The following PDS5A variants were observed in gnomAD, a reference collection of about 807,000 sequenced individuals.
PDS5A encodes sister chromatid cohesion protein PDS5 homolog A.
In PDS5A, 42 loss-of-function variants were observed where a neutral mutation model predicts 167.1. That is an observed-to-expected ratio of 0.25 (90% CI 0.20 to 0.33). The LOEUF (loss-of-function observed/expected upper bound fraction) is 0.33, where lower values mean the gene tolerates loss of function less well. Ranked by LOEUF, PDS5A falls within the 10% of genes least tolerant of loss-of-function variation. The pLI is 1.00. For synonymous variants in PDS5A, 553 were observed against 554.6 expected (o/e 1.00, Z 0.04); for missense variants, 1,033 against 1,605.9 (o/e 0.64, Z 6.10).
At chr4:39,970,790 CTTTT>C (rs35223238) in intron 2 of PDS5A, among the ~76,000 whole-genome samples, 2 of 88,494 alleles carry the variant, frequency 2.3e-5, no homozygotes, top group Non-Finnish European at 4.1e-5. Flanking sequence ...CCGCTTGTTC[CTTTT>C]TTTTTTTTTT....
intron 2 of PDS5A, among the ~76,000 whole-genome samples, chr4:39,930,215 CAAAAAAAAAAAAA>C (rs764983592): frequency 6.8e-4 from 24 of 35,088 alleles, no homozygotes; most frequent in South Asian, 1.4e-3. Context: ...GACTCCATCT[CAAAAAAAAAAAAA>C]AAAAAAAAAA....
At chr4:39,845,670 A>G (rs1717531084) in intron 29 of PDS5A, 148 bp downstream of exon 29, 1 of 903,296 alleles carries the variant, frequency 1.1e-6, no homozygotes, top group South Asian at 4.8e-5. Context: ...TTCTAAAAGC[A>G]TGGCTGCTTT....
intron 2 of PDS5A, among the ~76,000 whole-genome samples, chr4:39,937,017 T>C (rs943396363): frequency 1.3e-5 from 2 of 152,204 alleles, no homozygotes; most frequent in Non-Finnish European, 2.9e-5. Flanking sequence ...TCATTGAATC[T>C]GGACATGTAA....
intron 9 of PDS5A, among the ~76,000 whole-genome samples, chr4:39,911,879 G>A (rs911590883): frequency 3.1e-4 from 46 of 150,494 alleles, no homozygotes; most frequent in Non-Finnish European, 6.1e-4. Context: ...GATAAGGTAA[G>A]GAACCCTCAA....
At chr4:39,921,583 TAAAAAAAAAA>T (rs375091298) in intron 6 of PDS5A, among the ~76,000 whole-genome samples, 239 of 86,848 alleles carry the variant, frequency 2.8e-3, no homozygotes, top group African/African-American at 0.011. Context: ...AAAGAAAACT[TAAAAAAAAAA>T]AAAAAAAAAA....
At chr4:39,872,527 T>C (rs1323760721) in intron 21 of PDS5A, among the ~76,000 whole-genome samples, 1 of 152,034 alleles carries the variant, frequency 6.6e-6, no homozygotes, top group African/African-American at 2.4e-5. Flanking sequence ...TAGCCAGGCG[T>C]GGTGACAGGC....
intron 2 of PDS5A, among the ~76,000 whole-genome samples, chr4:39,965,174 C>A (rs747026885): frequency 6.6e-6 from 1 of 152,064 alleles, no homozygotes; most frequent in Non-Finnish European, 1.5e-5. Flanking sequence ...CATTTCTGGA[C>A]CAATTTCTGG....
chr4:39,866,750 T>C lies in PDS5A; in HGVS notation c.2642+111A>G, dbSNP rs1719491104. Reference sequence around the variant, plus strand: ...TAAATGAGTACATAAGATCTGACCCTGAAGATCATGGTGTAATTACACCAT... The same window carrying C: ...TAAATGAGTACATAAGATCTGACCCCGAAGATCATGGTGTAATTACACCAT... On this transcript the variant is annotated intron_variant, in intron 23 of 32. Transcript: ENST00000303538. 1.0e-5 allele frequency: 9 copies of C among 897,760 alleles called. No individual in the cohort carries two copies. The East Asian group carries it at 2.3e-4, about 23-fold the overall frequency. 55.6% of individuals were successfully genotyped at this position (897,760 alleles called of 1,614,324 possible). A position where few individuals can be genotyped will look rare whatever the true frequency, so the allele number is the denominator to read the frequency against.
At chr4:39,898,893 C>A in intron 14 of PDS5A, 68 bp from the exon 15 acceptor site, 2 of 926,496 alleles carry the variant, frequency 2.2e-6, no homozygotes, top group East Asian at 2.6e-5. Flanking sequence ...TAACAAAAAT[C>A]AATACTCATT....
intron 2 of PDS5A, among the ~76,000 whole-genome samples, chr4:39,975,102 G>A (rs1355428716): frequency 5.6e-5 from 6 of 106,264 alleles, no homozygotes; most frequent in African/African-American, 7.7e-5. Flanking sequence ...GCAAGACTCC[G>A]TCTCAAAAAA....
intron 2 of PDS5A, among the ~76,000 whole-genome samples, chr4:39,941,731 T>C (rs1260492573): frequency 6.6e-6 from 1 of 152,184 alleles, no homozygotes; most frequent in Non-Finnish European, 1.5e-5. Context: ...TATTATGCCT[T>C]TTCATTGCAC....
At chr4:39,909,894 A>C (rs1039091784) in intron 10 of PDS5A, among the ~76,000 whole-genome samples, 1 of 152,224 alleles carries the variant, frequency 6.6e-6, no homozygotes. Context: ...CTTAAGAAAT[A>C]CACTACTTCC....
At chr4:39,917,365 G>C (rs1724488938) in intron 7 of PDS5A, among the ~76,000 whole-genome samples, 177 bp from the exon 8 acceptor site, 1 of 152,052 alleles carries the variant, frequency 6.6e-6, no homozygotes, top group Non-Finnish European at 1.5e-5. Flanking sequence ...CTAAACAGCA[G>C]AAGAAATAAT....
Position 39,825,303 on chromosome 4 carries a change from C to A in PDS5A, c.*182G>T. 19 of 442,470 alleles carry A rather than the reference C, an allele frequency of 4.3e-5. No homozygotes were observed. Among genetic ancestry groups the A allele is most frequent in the South Asian group, 5.0e-5 (1 of 20,028 alleles). The allele number at this position is 442,470 out of a possible 1,614,324, so 27.4% of individuals were successfully genotyped here. ...TCTCAAGAGTTTCTGCTGTACATTT[C>A]CATCAGAGGACTTGTGGTCATGTGA... On this transcript the variant is annotated 3_prime_UTR_variant, in exon 33 of 33. Transcript: ENST00000303538.
At chr4:39,934,629 T>G (rs1443780443) in intron 2 of PDS5A, among the ~76,000 whole-genome samples, 1 of 150,760 alleles carries the variant, frequency 6.6e-6, no homozygotes, top group African/African-American at 2.4e-5. Flanking sequence ...TTTTTTTTTT[T>G]TTTAAGAAAT....
intron 8 of PDS5A, among the ~76,000 whole-genome samples, chr4:39,916,208 CAA>C (rs201877983): frequency 9.2e-6 from 1 of 108,506 alleles, no homozygotes; most frequent in Non-Finnish European, 2.2e-5. Context: ...ACAACAACAA[CAA>C]AAAAAGAGAC....
chr4:39,930,255 G>GTTTTTTT (rs1421768439), intron 2 of PDS5A, among the ~76,000 whole-genome samples: 5 of 80,540 alleles, frequency 6.2e-5, no homozygotes, highest in African/African-American at 8.5e-5. Context: ...AAGTTTTTTT[G>GTTTTTTT]TTTTTTGTTT....
chr4:39,917,191 G>T lies in PDS5A; in HGVS notation c.736-3C>A. 6.5e-7 allele frequency: 1 copy of T among 1,529,312 alleles called. No homozygotes were observed. The highest frequency in any genetic ancestry group is 2.5e-5 in the East Asian group (1 of 40,758). 94.7% of individuals were successfully genotyped at this position (1,529,312 alleles called of 1,614,324 possible). ...AGCACCAGGACTTGATTGAAAAACT[G>T]TAAGAGATATTAAAAACAAAAAGAA... On this transcript the variant is annotated splice_region_variant and splice_polypyrimidine_tract_variant and intron_variant, in intron 7 of 32. Coordinates refer to ENST00000303538, the MANE Select transcript of PDS5A (RefSeq NM_001100399.2).
At chr4:39,829,687 C>T (rs1232141519) in intron 32 of PDS5A, among the ~76,000 whole-genome samples, 2 of 150,290 alleles carry the variant, frequency 1.3e-5, no homozygotes, top group Non-Finnish European at 2.9e-5. Flanking sequence ...CGCGGTGGCT[C>T]ACGCCTGTAA....
Sources: allele counts gnomAD v4.1 joint callset (sites outside exome capture counted in the v4.1 genomes callset), GRCh38; gene constraint gnomAD v4.1.1; transcripts MANE v1.5; gene names NCBI Gene and HGNC (gene_info 2026-07-23, HGNC 2026-07-21).